The following ZC4H2 variants were observed in gnomAD, a reference collection of about 807,000 sequenced individuals.
ZC4H2 encodes the protein zinc finger C4H2-type containing.
For synonymous variants in ZC4H2, 84 were observed against 66.3 expected (o/e 1.27, Z -1.30); for missense variants, 137 against 173.9 (o/e 0.79, Z 1.19).
intron 1 of ZC4H2, among the ~76,000 whole-genome samples, chrX:64,944,428 G>T (rs1237918709): frequency 9.0e-6 from 1 of 110,869 alleles, no homozygotes; most frequent in Non-Finnish European, 1.9e-5. Context: ...CTTGCTTCTA[G>T]GGTTTCTGCA....
intron 1 of ZC4H2, among the ~76,000 whole-genome samples, chrX:64,962,203 A>T (rs1012203105): frequency 8.9e-6 from 1 of 111,811 alleles, no homozygotes; most frequent in African/African-American, 3.2e-5. Context: ...CATTAAAAGT[A>T]TCATACAACA....
intron 1 of ZC4H2, among the ~76,000 whole-genome samples, chrX:64,983,798 A>G (rs1437434637): frequency 8.9e-6 from 1 of 112,119 alleles, no homozygotes; most frequent in African/African-American, 3.2e-5. Flanking sequence ...AAAAATTTAG[A>G]TAAGCTTTTT....
intron 1 of ZC4H2, among the ~76,000 whole-genome samples, chrX:64,933,912 G>C (rs945922609): frequency 8.0e-5 from 9 of 111,819 alleles, no homozygotes; most frequent in Non-Finnish European, 1.7e-4. Context: ...CATAATGGTA[G>C]GCTAAGACCC....
At chrX:64,971,101 A>C in intron 1 of ZC4H2, among the ~76,000 whole-genome samples, 1 of 112,730 alleles carries the variant, frequency 8.9e-6, no homozygotes, top group Non-Finnish European at 1.9e-5. Context: ...TTATTTTAAA[A>C]AAGGTTTTTT....
At chrX:65,023,560 C>T (rs899982199) in intron 1 of ZC4H2, among the ~76,000 whole-genome samples, 5 of 111,658 alleles carry the variant, frequency 4.5e-5, no homozygotes, top group Admixed American at 1.9e-4. Flanking sequence ...CAATGAGATA[C>T]CATCTCATGC....
chrX:64,933,644 C>A (rs1465225468), intron 1 of ZC4H2, among the ~76,000 whole-genome samples: 2 of 110,677 alleles, frequency 1.8e-5, no homozygotes, highest in Admixed American at 1.9e-4. Flanking sequence ...TATAGAGAAT[C>A]TTTTCCAACT....
intron 1 of ZC4H2, among the ~76,000 whole-genome samples, chrX:64,956,954 A>T (rs1441399058): frequency 2.7e-5 from 3 of 109,890 alleles, no homozygotes; most frequent in African/African-American, 1.0e-4. Context: ...TTTGGTCAAC[A>T]TCTCAAAATT....
chrX:64,975,619 C>T (rs1931922551), intron 1 of ZC4H2, among the ~76,000 whole-genome samples: 1 of 111,325 alleles, frequency 9.0e-6, no homozygotes, highest in Non-Finnish European at 1.9e-5. Context: ...CCAAAAGCTG[C>T]TCCAGGAGCA....
intron 1 of ZC4H2, among the ~76,000 whole-genome samples, chrX:65,018,402 T>A (rs936599411): frequency 1.8e-5 from 2 of 112,014 alleles, no homozygotes; most frequent in African/African-American, 6.5e-5. Context: ...GAGTGGGGTG[T>A]TGCCTCACCT....
intron 1 of ZC4H2, among the ~76,000 whole-genome samples, chrX:64,996,893 C>T (rs1044436763): frequency 9.1e-5 from 10 of 109,762 alleles, no homozygotes; most frequent in Non-Finnish European, 1.1e-4. Context: ...AATCCTAGAA[C>T]GAAAAAAGAG....
At chrX:64,950,865 T>G (rs1344570998) in intron 1 of ZC4H2, among the ~76,000 whole-genome samples, 1 of 110,358 alleles carries the variant, frequency 9.1e-6, no homozygotes. Flanking sequence ...TGCAGGTTAG[T>G]TACATATGTA....
chrX:64,965,275 G>A (rs963281257), intron 1 of ZC4H2, among the ~76,000 whole-genome samples: 3 of 111,651 alleles, frequency 2.7e-5, no homozygotes, highest in South Asian at 3.7e-4. Flanking sequence ...CCTGGTTTCC[G>A]TAATTATTAA....
At chrX:64,973,746 T>C (rs1931855780) in intron 1 of ZC4H2, among the ~76,000 whole-genome samples, 1 of 111,650 alleles carries the variant, frequency 9.0e-6, no homozygotes, top group Non-Finnish European at 1.9e-5. Flanking sequence ...CTGAAGGATA[T>C]TATTATTGGA....
intron 1 of ZC4H2, among the ~76,000 whole-genome samples, chrX:64,958,197 C>T (rs1312202028): frequency 8.9e-6 from 1 of 112,192 alleles, no homozygotes; most frequent in East Asian, 2.8e-4. Context: ...ATATGCTAGA[C>T]TTTTATATGA....
chrX:64,952,635 A>G (rs1452385679), intron 1 of ZC4H2, among the ~76,000 whole-genome samples: 1 of 111,171 alleles, frequency 9.0e-6, no homozygotes, highest in African/African-American at 3.3e-5. Context: ...CTCTTCAAGG[A>G]GAACTACAAA....
intron 1 of ZC4H2, among the ~76,000 whole-genome samples, chrX:65,033,362 T>C (rs753748093): frequency 1.5e-4 from 17 of 112,097 alleles, no homozygotes; most frequent in Non-Finnish European, 3.0e-4. Flanking sequence ...TTAAAAAGTG[T>C]AGTTTTAGAA....
At chrX:64,971,899 C>T (rs796745777) in intron 1 of ZC4H2, among the ~76,000 whole-genome samples, 13 of 111,074 alleles carry the variant, frequency 1.2e-4, no homozygotes, top group African/African-American at 3.9e-4. Context: ...ATGTGTACAT[C>T]GGGGTGTGAG....
chrX:64,917,715 AGGACATCAATGACTCT>A lies in ZC4H2; in HGVS notation c.*52_*67del. 1.7e-6 allele frequency: 2 copies of A among 1,172,144 alleles called. No homozygotes were observed. The highest frequency in any genetic ancestry group is 3.8e-5 in the South Asian group (2 of 52,661). The stretch of plus-strand genomic sequence containing the variant: ...GGTTGGGCAAGGGTTGTTTCACATC[AGGACATCAATGACTCT>A]GGTCAAGGTGAGGGGTTATAATTAG... On this transcript the variant is annotated 3_prime_UTR_variant, in exon 5 of 5. Transcript: ENST00000374839.
intron 1 of ZC4H2, among the ~76,000 whole-genome samples, chrX:64,954,434 C>A: frequency 1.2e-5 from 1 of 86,829 alleles, no homozygotes; most frequent in African/African-American, 5.2e-5. Flanking sequence ...TTCAAAATTT[C>A]TAATATGTTT....
Sources: allele counts gnomAD v4.1 joint callset (sites outside exome capture counted in the v4.1 genomes callset), GRCh38; gene constraint gnomAD v4.1.1; transcripts MANE v1.5; gene names NCBI Gene and HGNC (gene_info 2026-07-23, HGNC 2026-07-21).